Variants in B4GALNT4 observed in about 807,000 individuals in gnomAD.
B4GALNT4 encodes N-acetyl-beta-glucosaminyl-glycoprotein 4-beta-N-acetylgalactosaminyltransferase 1.
In B4GALNT4, 77 loss-of-function variants were observed where a neutral mutation model predicts 110.0. The observed-to-expected ratio is 0.70, with a 90% confidence interval of 0.58 to 0.85. The LOEUF is 0.85. B4GALNT4 is among the 40% of genes least tolerant of loss of function. The pLI is 0.00. For synonymous variants in B4GALNT4, 785 were observed against 655.5 expected (o/e 1.20, Z -3.02); for missense variants, 1,575 against 1,506.0 (o/e 1.05, Z -0.76).
Position 376,740 on chromosome 11 carries a change from G to T in B4GALNT4, c.1617G>T (p.Arg539=). 7.2e-7 allele frequency: 1 copy of T among 1,396,906 alleles called. No homozygotes were observed. The highest frequency in any genetic ancestry group is 3.2e-5 in the East Asian group (1 of 30,880). 86.5% of individuals were successfully genotyped at this position (1,396,906 alleles called of 1,614,324 possible). ...RVRPGQRASP[R]APAPRAPWPP... Reference sequence around the variant, plus strand: ...GGCCGGGACAGCGGGCATCCCCCCGGGCCCCAGCGCCGCGTGCGCCCTGGC... The same window carrying T: ...GGCCGGGACAGCGGGCATCCCCCCGTGCCCCAGCGCCGCGTGCGCCCTGGC... The change falls in exon 14 of 20, where the codon CGG becomes CGT. Residue 539 remains arginine (R), a synonymous_variant. Transcript: ENST00000329962.
At chr11:377,536 C>A (rs1171467373) in intron 14 of B4GALNT4, among the ~76,000 whole-genome samples, 1 of 152,200 alleles carries the variant, frequency 6.6e-6, no homozygotes, top group Admixed American at 6.5e-5. Context: ...ACTTGTCCAG[C>A]CTCAGGGACC....
In B4GALNT4 at chr11:374,055, T is replaced by C. The variant is rs149802604; in HGVS notation, c.783+227T>C. On this transcript the variant is annotated intron_variant, in intron 8 of 19. Coordinates refer to ENST00000329962, the MANE Select transcript of B4GALNT4 (RefSeq NM_178537.5). ...AGGATGGAGACCTTCAGTAGGGAGA[T>C]GTGGGGGGCAGAGAATTTGGGGTGG... is the stretch of plus-strand genomic sequence containing the variant. Among the ~76,000 whole-genome samples, 619 of 151,670 alleles carry C rather than the reference T, an allele frequency of 4.1e-3. 3 individuals carry two copies. The highest frequency in any genetic ancestry group is 0.014 in the African/African-American group (571 of 41,306).
intron 1 of B4GALNT4, 49 bp downstream of exon 1, chr11:370,003 G>GGGCGCGGGGGGCGCGGAGGGCGCGGGC (rs1846583455): frequency 7.1e-6 from 1 of 140,764 alleles, no homozygotes; most frequent in Non-Finnish European, 1.2e-5. Flanking sequence ...GCGGCGCGGG[G>GGGCGCGGGGGGCGCGGAGGGCGCGGGC]GGCGCGGGGG....
rs75988367 is a variant in B4GALNT4 at position 381,754 on chromosome 11, G to A, written c.3082G>A (p.Val1028Ile). 1,475 of 1,586,066 alleles carry A rather than the reference G, an allele frequency of 9.3e-4. 7 individuals carry two copies. Among genetic ancestry groups the A allele is most frequent in the African/African-American group, 8.6e-3 (625 of 72,648 alleles). Residue 1028 changes from valine (V) to isoleucine (I), a missense_variant, in exon 20 of 20, where the codon GTC becomes ATC. Val to Ile is a conservative substitution (Grantham distance 29). Coordinates refer to ENST00000329962, the MANE Select transcript of B4GALNT4 (RefSeq NM_178537.5). ...CCACTCCAAGAGGGGCATGTGGAGCGTCCGCAGCAGGAAGGGCTCTCGCAC... is the reference window on the plus strand; with the variant it reads ...CCACTCCAAGAGGGGCATGTGGAGCATCCGCAGCAGGAAGGGCTCTCGCAC... ...HYHSKRGMWS[V>I]RSRKGSRTGA... is the part of the protein sequence containing the mutation.
Position 373,152 on chromosome 11 carries a change from G to T in B4GALNT4, c.535+36G>T, listed in dbSNP as rs201903453. On this transcript the variant is annotated intron_variant, in intron 5 of 19. Transcript: ENST00000329962. Reference sequence around the variant, plus strand: ...GAGGGTGCCCCGGGGGAGGGGTGCCGTGAGGCTCCACCCCCCTGAGCCTAG... The same window carrying T: ...GAGGGTGCCCCGGGGGAGGGGTGCCTTGAGGCTCCACCCCCCTGAGCCTAG... 19 of 1,611,912 alleles carry T rather than the reference G, an allele frequency of 1.2e-5. No homozygotes were observed. The African/African-American group carries it at 2.3e-4, about 19-fold the overall frequency.
rs1398696544 is a variant in B4GALNT4 at position 381,185 on chromosome 11, G to A, written c.2996+234G>A. On this transcript the variant is annotated intron_variant, in intron 19 of 19. Coordinates refer to ENST00000329962, the MANE Select transcript of B4GALNT4 (RefSeq NM_178537.5). ...TCAGGGACATCCCTGAACCAGCTCTGCCCCCGATCCCATAGGCCCTGGGTG... is the reference window on the plus strand; with the variant it reads ...TCAGGGACATCCCTGAACCAGCTCTACCCCCGATCCCATAGGCCCTGGGTG... 6 of 975,472 alleles carry A rather than the reference G, an allele frequency of 6.2e-6. No homozygotes were observed. In the East Asian group the frequency reaches 5.8e-4, roughly 94 times the overall value. 60.4% of individuals were successfully genotyped at this position (975,472 alleles called of 1,614,324 possible).
Position 376,730 on chromosome 11 carries a change from C to T in B4GALNT4, c.1607C>T (p.Ala536Val). 7.1e-7 allele frequency: 1 copy of T among 1,401,900 alleles called. No homozygotes were observed. Among genetic ancestry groups the T allele is most frequent in the South Asian group, 1.4e-5 (1 of 69,016 alleles). 86.8% of individuals were successfully genotyped at this position (1,401,900 alleles called of 1,614,324 possible). The change falls in exon 14 of 20, where the codon GCA becomes GTA. Residue 536 changes from alanine to valine, a missense_variant. Transcript: ENST00000329962. Reference sequence around the variant, plus strand: ...ACCAGGGTGCGGCCGGGACAGCGGGCATCCCCCCGGGCCCCAGCGCCGCGT... The same window carrying T: ...ACCAGGGTGCGGCCGGGACAGCGGGTATCCCCCCGGGCCCCAGCGCCGCGT... Reference protein sequence around the residue: ...YVTRVRPGQRASPRAPAPRAP... With the variant: ...YVTRVRPGQRVSPRAPAPRAP...
At chr11:374,591 G>T (rs920391274) in intron 8 of B4GALNT4, among the ~76,000 whole-genome samples, 3 of 125,690 alleles carry the variant, frequency 2.4e-5, no homozygotes, top group Non-Finnish European at 3.4e-5. Flanking sequence ...GGGGTAGAGT[G>T]GGGGGGGCAT....
Position 373,260 on chromosome 11 carries a change from C to T in B4GALNT4, c.605C>T (p.Ala202Val). The stretch of plus-strand genomic sequence containing the variant: ...TGGCTGAGTCTGGACGAGAGCCCTG[C>T]TGCTGCCCAGCTTGTGGCCTTTGTG... ...EFWLSLDESP[A>V]AAQLVAFVGK... The change falls in exon 6 of 20, where the codon GCT becomes GTT. Residue 202 changes from alanine (A) to valine (V), a missense_variant. By Grantham distance (64) the Ala-to-Val change is moderately conservative. Transcript: ENST00000329962. 1 of 1,611,580 alleles carries T rather than the reference C, an allele frequency of 6.2e-7. No individual in the cohort carries two copies. Among genetic ancestry groups the T allele is most frequent in the Non-Finnish European group, 8.5e-7 (1 of 1,179,056 alleles).
At chr11:370,017 C>CGGGGGGCGCGGGGGGCGCGGGGGGCGG (rs1564866489) in intron 1 of B4GALNT4, 63 bp downstream of exon 1, 3 of 59,666 alleles carry the variant, frequency 5.0e-5, no homozygotes, top group African/African-American at 1.9e-4. Flanking sequence ...GCGGGGGGCG[C>CGGGGGGCGCGGGGGGCGCGGGGGGCGG]GGGCGGCGCG....
In B4GALNT4 at chr11:372,837, C is replaced by G. The variant is rs561514667; in HGVS notation, c.349-15C>G. The G allele has an allele frequency of 6.3e-7, 1 of 1,593,582 alleles. No individual in the cohort carries two copies. The highest frequency in any genetic ancestry group is 1.3e-5 in the African/African-American group (1 of 74,456). On this transcript the variant is annotated splice_polypyrimidine_tract_variant and intron_variant, in intron 3 of 19. Coordinates refer to ENST00000329962, the MANE Select transcript of B4GALNT4 (RefSeq NM_178537.5). ...GCGGCGGGCCGTGCAGAAGGTAAGG[C>G]CCCCCCATCCCCAGTACAAGGGGCA...
intron 14 of B4GALNT4, among the ~76,000 whole-genome samples, chr11:377,759 G>A (rs939418291): frequency 6.6e-6 from 1 of 152,224 alleles, no homozygotes; most frequent in Non-Finnish European, 1.5e-5. Context: ...CTCTCCCCTC[G>A]CAGTGCCCCT....
rs1846856788 is a variant in B4GALNT4, at chr11:380,679, C to T, written c.2870-146C>T. 3 of 1,397,874 alleles carry T rather than the reference C, an allele frequency of 2.1e-6. No homozygotes were observed. In the South Asian group the frequency reaches 3.5e-5, roughly 16 times the overall value. The allele number at this position is 1,397,874 out of a possible 1,614,324, so 86.6% of individuals were successfully genotyped here. A position where few individuals can be genotyped will look rare whatever the true frequency, so the allele number is the denominator to read the frequency against. On this transcript the variant is annotated intron_variant, in intron 18 of 19. Coordinates refer to ENST00000329962, the MANE Select transcript of B4GALNT4 (RefSeq NM_178537.5). ...TATGCACCGCGCTCCAGGGTCATGA[C>T]CCAGTACCACCGGACGACTCCCGGA...
chr11:372,568 T>C, intron 2 of B4GALNT4, 94 bp from the exon 3 acceptor site: 3 of 1,086,072 alleles, frequency 2.8e-6, no homozygotes, highest in Non-Finnish European at 4.2e-6. Flanking sequence ...TGTGGATACA[T>C]GTTGGAAGGG....
In B4GALNT4 at chr11:380,356, G is replaced by A. The variant is rs761576096; in HGVS notation, c.2780G>A (p.Gly927Asp). The A allele has an allele frequency of 1.4e-5, 22 of 1,613,202 alleles. No individual in the cohort carries two copies. Among genetic ancestry groups the A allele is most frequent in the Non-Finnish European group, 1.9e-5 (22 of 1,179,754 alleles). The change falls in exon 18 of 20, where the codon GGC becomes GAC. Residue 927 changes from glycine (G) to aspartate (D), a missense_variant. Transcript: ENST00000329962. The stretch of plus-strand genomic sequence containing the variant: ...CACTTCCCACCCAACATCCTGGACG[G>A]CATCCGCAAGCACTGCGTGGAGGGC... The part of the protein sequence containing the change: ...HIHFPPNILD[G>D]IRKHCVEGRL...
rs148989000 is a variant in B4GALNT4 at position 379,747 on chromosome 11, A to G, written c.2488+46A>G. The G allele has an allele frequency of 4.8e-5, 72 of 1,504,792 alleles. No individual in the cohort carries two copies. In the Middle Eastern group the frequency reaches 1.1e-3, roughly 22 times the overall value. 93.2% of individuals were successfully genotyped at this position (1,504,792 alleles called of 1,614,324 possible). ...GTGTCCGGGAGACCTCGTGGAAGGA[A>G]CATGGACCCTAATGACTAGGAAAGG... On this transcript the variant is annotated intron_variant, in intron 15 of 19. Transcript: ENST00000329962.
chr11:372,305 G>A, intron 2 of B4GALNT4, 93 bp downstream of exon 2: 2 of 1,167,392 alleles, frequency 1.7e-6, no homozygotes, highest in Non-Finnish European at 2.5e-6. Flanking sequence ...CCATTCTGGA[G>A]GACGCAGCAG....
At position 380,856 on chromosome 11, in the gene B4GALNT4, T is replaced by A; in HGVS notation, c.2901T>A (p.Phe967Leu). Residue 967 changes from phenylalanine (F) to leucine (L), a missense_variant, in exon 19 of 20, where the codon TTT becomes TTA. By Grantham distance (22) the Phe-to-Leu change is conservative. Coordinates refer to ENST00000329962, the MANE Select transcript of B4GALNT4 (RefSeq NM_178537.5). ...GGGAGGTGAACGGCTTTGGCCTTTTTGGGATCTACAAGTCGGACTTTGACC... is the reference window on the plus strand; with the variant it reads ...GGGAGGTGAACGGCTTTGGCCTTTTAGGGATCTACAAGTCGGACTTTGACC... Reference protein sequence around the residue: ...GYWEVNGFGLFGIYKSDFDRV... With the variant: ...GYWEVNGFGLLGIYKSDFDRV... The A allele has an allele frequency of 6.2e-7, 1 of 1,613,804 alleles. No homozygotes were observed. The highest frequency in any genetic ancestry group is 8.5e-7 in the Non-Finnish European group (1 of 1,179,868).
Position 380,161 on chromosome 11 carries a change from G to A in B4GALNT4, c.2674G>A (p.Glu892Lys), listed in dbSNP as rs1327036592. ...GTACCTGAGACGAACCGGGAACTTC[G>A]AGCGCTCCGCCGGGCTGCAGGCGGG... ...YQYLRRTGNF[E>K]RSAGLQAGVD... The change falls in exon 17 of 20, where the codon GAG (glutamate) becomes AAG (lysine). Residue 892 changes from glutamate (E) to lysine (K), a missense_variant. Glu to Lys is a moderately conservative substitution (Grantham distance 56). Transcript: ENST00000329962. 2 of 1,603,904 alleles carry A rather than the reference G, an allele frequency of 1.2e-6. No homozygotes were observed. Among genetic ancestry groups the A allele is most frequent in the Non-Finnish European group, 1.7e-6 (2 of 1,172,952 alleles).
Sources: gnomAD v4.1 joint callset for allele counts (sites outside exome capture counted in the v4.1 genomes callset) on GRCh38, gnomAD v4.1.1 for gene constraint, MANE v1.5 for transcripts, NCBI Gene and HGNC (gene_info 2026-07-23, HGNC 2026-07-21) for gene names.